The following PCMTD2 variants were observed in gnomAD, a reference collection of about 807,000 sequenced individuals.
PCMTD2 encodes protein-L-isoaspartate (D-aspartate) O-methyltransferase domain containing 2, also known as protein-L-isoaspartate O-methyltransferase domain-containing protein 2.
A neutral mutation model predicts 33.4 loss-of-function variants in PCMTD2; 16 were observed. The ratio of observed to expected loss-of-function variants is 0.48; its 90% CI spans 0.32 to 0.73. The LOEUF (loss-of-function observed/expected upper bound fraction) is 0.73, where lower values mean the gene tolerates loss of function less well. Ranked by LOEUF, PCMTD2 falls within the 30% of genes least tolerant of loss-of-function variation. PCMTD2 has a pLI of 0.03. For synonymous variants in PCMTD2, 161 were observed against 160.8 expected (o/e 1.00, Z -0.01); for missense variants, 374 against 449.9 (o/e 0.83, Z 1.53).
chr20:64,269,193 G>C (rs1985782625), intron 5 of PCMTD2, among the ~76,000 whole-genome samples: 1 of 152,192 alleles, frequency 6.6e-6, no homozygotes, highest in Non-Finnish European at 1.5e-5. Context: ...GTTGTCGTCG[G>C]GTGGAGGGTG....
intron 5 of PCMTD2, among the ~76,000 whole-genome samples, chr20:64,270,346 G>A (rs1369281915): frequency 3.3e-5 from 5 of 149,434 alleles, no homozygotes; most frequent in Non-Finnish European, 5.9e-5. Flanking sequence ...GACGTGCACG[G>A]TGTGGCGTCG....
chr20:64,271,757 G>A (rs1188097113), intron 5 of PCMTD2: 2 of 165,200 alleles, frequency 1.2e-5, no homozygotes, highest in East Asian at 1.7e-4. Context: ...CAGAGGGAGC[G>A]GCTGTGCCTT....
chr20:64,273,349 C>G lies in PCMTD2; in HGVS notation c.835C>G (p.Arg279Gly). 6.2e-7 allele frequency: 1 copy of G among 1,614,152 alleles called. No homozygotes were observed. The highest frequency in any genetic ancestry group is 1.1e-5 in the South Asian group (1 of 91,088). Residue 279 changes from arginine to glycine, a missense_variant, in exon 6 of 6, where the codon CGA becomes GGA. Coordinates refer to ENST00000308824, the MANE Select transcript of PCMTD2 (RefSeq NM_018257.3). ...ACTAAAGAACACCCCCAGGTTTAAA[C>G]GAAGGAGAGTTCGCCGCCGTCGAAT... is the stretch of plus-strand genomic sequence containing the variant. ...NGLKNTPRFK[R>G]RRVRRRRMET... is the part of the protein sequence containing the mutation.
In PCMTD2 at chr20:64,273,373, A is replaced by G. The variant is rs1412866856; in HGVS notation, c.859A>G (p.Met287Val). Residue 287 changes from methionine to valine, a missense_variant, in exon 6 of 6, where the codon ATG becomes GTG. Met to Val is a conservative substitution (Grantham distance 21). Coordinates refer to ENST00000308824, the MANE Select transcript of PCMTD2 (RefSeq NM_018257.3). The part of the protein sequence containing the change: ...FKRRRVRRRR[M>V]ETIVFLDKEV... ...ACGAAGGAGAGTTCGCCGCCGTCGA[A>G]TGGAAACGATTGTCTTTTTGGACAA... 1.2e-6 allele frequency: 2 copies of G among 1,614,088 alleles called. No homozygotes were observed. The highest frequency in any genetic ancestry group is 1.7e-6 in the Non-Finnish European group (2 of 1,180,028).
rs1320645532 is a variant in PCMTD2 at position 64,274,268 on chromosome 20, T to C, written c.*668T>C. On this transcript the variant is annotated 3_prime_UTR_variant, in exon 6 of 6. Transcript: ENST00000308824. ...TGGAGGAATGAATTGCCAGATAATC[T>C]TTCTGGAATTCCGAGAGAATTCCAA... The C allele has an allele frequency of 6.6e-6, 1 of 152,106 alleles. No homozygotes were observed. Among genetic ancestry groups the C allele is most frequent in the Non-Finnish European group, 1.5e-5 (1 of 68,006 alleles). The allele number at this position is 152,106 out of a possible 1,614,324, so 9.4% of individuals were successfully genotyped here. A position where few individuals can be genotyped will look rare whatever the true frequency, so the allele number is the denominator to read the frequency against.
At chr20:64,258,220 T>C (rs1005057050) in intron 1 of PCMTD2, among the ~76,000 whole-genome samples, 1 of 152,196 alleles carries the variant, frequency 6.6e-6, no homozygotes, top group Admixed American at 6.5e-5. Flanking sequence ...TTTTAACCAC[T>C]GACCCAAATT....
At chr20:64,258,605 C>T (rs777312392) in intron 1 of PCMTD2, among the ~76,000 whole-genome samples, 4 of 152,166 alleles carry the variant, frequency 2.6e-5, no homozygotes, top group Non-Finnish European at 5.9e-5. Flanking sequence ...CAGTTGTGTA[C>T]GTGGGTGTGT....
intron 4 of PCMTD2, 66 bp from the exon 5 acceptor site, chr20:64,267,821 A>G (rs1262465895): frequency 2.5e-5 from 35 of 1,384,260 alleles, no homozygotes; most frequent in Middle Eastern, 3.6e-4. Context: ...TATGTATAGG[A>G]ATGATTAAAT....
intron 4 of PCMTD2, among the ~76,000 whole-genome samples, chr20:64,267,196 G>C (rs1985695213): frequency 6.6e-6 from 1 of 152,186 alleles, no homozygotes. Flanking sequence ...ATGTCTAATT[G>C]TGGTCTCTGG....
Position 64,260,245 on chromosome 20 carries a change from C to T in PCMTD2, c.280C>T (p.Leu94Phe), listed in dbSNP as rs11556596. ...FLNLGSGTGY[L>F]SSMVGLILGP... ...GAACCTGGGCAGTGGCACTGGGTAT[C>T]TCAGCTCCATGGTGGGCCTCATTCT... The change falls in exon 2 of 6, where the codon CTC becomes TTC. Residue 94 changes from leucine to phenylalanine, a missense_variant. Physicochemically the swap from Leu to Phe is conservative, Grantham distance 22 (BLOSUM62 0). Transcript: ENST00000308824. The T allele has an allele frequency of 2.5e-6, 4 of 1,612,908 alleles. No individual in the cohort carries two copies. Among genetic ancestry groups the T allele is most frequent in the Non-Finnish European group, 2.5e-6 (3 of 1,178,878 alleles).
At chr20:64,264,349 G>A (rs1985559845) in intron 2 of PCMTD2, 80 bp from the exon 3 acceptor site, 2 of 748,358 alleles carry the variant, frequency 2.7e-6, no homozygotes, top group Non-Finnish European at 2.4e-6. Context: ...AGTCAGACGT[G>A]TTACAGTTGG....
intron 4 of PCMTD2, among the ~76,000 whole-genome samples, chr20:64,265,775 A>C (rs1188960973): frequency 6.6e-6 from 1 of 150,894 alleles, no homozygotes; most frequent in African/African-American, 2.4e-5. Flanking sequence ...AATCTATTAT[A>C]ATTGTTCTGC....
chr20:64,258,015 GAT>G (rs748229038), intron 1 of PCMTD2, among the ~76,000 whole-genome samples: 53 of 152,346 alleles, frequency 3.5e-4, no homozygotes, highest in Non-Finnish European at 5.7e-4. Flanking sequence ...CAAAATAAGT[GAT>G]AGTTACTTAG....
Position 64,274,668 on chromosome 20 carries a change from T to C in PCMTD2, c.*1068T>C, listed in dbSNP as rs1986044235. On this transcript the variant is annotated 3_prime_UTR_variant, in exon 6 of 6. Transcript: ENST00000308824. ...AAAGATTTGTTAGTTTTGTAATTTT[T>C]TTGTAAGACCAAATGTATGTATTTT... 1 of 152,230 alleles carries C rather than the reference T, an allele frequency of 6.6e-6. No individual in the cohort carries two copies. The highest frequency in any genetic ancestry group is 2.4e-5 in the African/African-American group (1 of 41,460). 9.4% of individuals were successfully genotyped at this position (152,230 alleles called of 1,614,324 possible).
chr20:64,270,416 AGTGT>A (rs923511432), intron 5 of PCMTD2, among the ~76,000 whole-genome samples: 1 of 141,080 alleles, frequency 7.1e-6, no homozygotes, highest in Non-Finnish European at 1.5e-5. Flanking sequence ...GTGTGGGGTG[AGTGT>A]GGGCACACGT....
At position 64,274,301 on chromosome 20, in the gene PCMTD2, T is replaced by G. The variant is rs1266227035; in HGVS notation, c.*701T>G. 6.8e-6 allele frequency: 1 copy of G among 147,520 alleles called. No homozygotes were observed. Among genetic ancestry groups the G allele is most frequent in the Non-Finnish European group, 1.5e-5 (1 of 66,410 alleles). 9.1% of individuals were successfully genotyped at this position (147,520 alleles called of 1,614,324 possible). ...ATTCCGAGAGAATTCCAAAGAGGGT[T>G]TTTTTTTTTTTTTTTAGGACATCTT... On this transcript the variant is annotated 3_prime_UTR_variant, in exon 6 of 6. Coordinates refer to ENST00000308824, the MANE Select transcript of PCMTD2 (RefSeq NM_018257.3).
At chr20:64,263,845 A>G (rs1399698563) in intron 2 of PCMTD2, among the ~76,000 whole-genome samples, 3 of 152,190 alleles carry the variant, frequency 2.0e-5, no homozygotes, top group Non-Finnish European at 4.4e-5. Context: ...AGACCCATTT[A>G]AGTTGAGTGT....
rs1411149134 is a variant in PCMTD2, at chr20:64,275,907, T to C, written c.*2307T>C. 5.3e-5 allele frequency: 8 copies of C among 152,232 alleles called. No individual in the cohort carries two copies. The highest frequency in any genetic ancestry group is 5.2e-4 in the Admixed American group (8 of 15,282). 9.4% of individuals were successfully genotyped at this position (152,232 alleles called of 1,614,324 possible). A position where few individuals can be genotyped will look rare whatever the true frequency, so the allele number is the denominator to read the frequency against. On this transcript the variant is annotated 3_prime_UTR_variant, in exon 6 of 6. Coordinates refer to ENST00000308824, the MANE Select transcript of PCMTD2 (RefSeq NM_018257.3). ...TTGTAATGTGAGCATCAAATGTGTA[T>C]GTAAAAATACTTTTTACCAGTCTGG...
chr20:64,260,249 G>A lies in PCMTD2; in HGVS notation c.284G>A (p.Ser95Asn). 6.2e-7 allele frequency: 1 copy of A among 1,612,140 alleles called. No homozygotes were observed. The highest frequency in any genetic ancestry group is 1.3e-5 in the African/African-American group (1 of 75,018). ...LNLGSGTGYL[S>N]SMVGLILGPF... Reference sequence around the variant, plus strand: ...CTGGGCAGTGGCACTGGGTATCTCAGCTCCATGGTGGGCCTCATTCTAGGT... The same window carrying A: ...CTGGGCAGTGGCACTGGGTATCTCAACTCCATGGTGGGCCTCATTCTAGGT... The change falls in exon 2 of 6, where the codon AGC (serine) becomes AAC (asparagine). Residue 95 changes from serine (S) to asparagine (N), a missense_variant. Physicochemically the swap from Ser to Asn is conservative, Grantham distance 46. Coordinates refer to ENST00000308824, the MANE Select transcript of PCMTD2 (RefSeq NM_018257.3).
Sources: gnomAD v4.1 joint callset for allele counts (sites outside exome capture counted in the v4.1 genomes callset) on GRCh38, gnomAD v4.1.1 for gene constraint, MANE v1.5 for transcripts, NCBI Gene and HGNC (gene_info 2026-07-23, HGNC 2026-07-21) for gene names.